Variants in TSC1 observed in about 807,000 individuals in gnomAD.
TSC1 encodes hamartin.
In TSC1, 20 loss-of-function variants were observed where a neutral mutation model predicts 124.3. The observed-to-expected ratio is 0.16, with a 90% CI of 0.11 to 0.23. The LOEUF is 0.23. TSC1 is among the 10% of genes least tolerant of loss of function. The pLI is 1.00. For synonymous variants in TSC1, 493 were observed against 539.1 expected, an observed-to-expected ratio of 0.91 and a Z score of 1.19; for missense variants, 1,124 against 1,448.5, an observed-to-expected ratio of 0.78 and a Z score of 3.64.
At chr9:132,926,923 C>T (rs895811699) in intron 4 of TSC1, 2 of 394,520 alleles carry the variant, frequency 5.1e-6, no homozygotes, top group Admixed American at 3.7e-5. Flanking sequence ...GCAATCCACC[C>T]GCCTCGGCCT....
chr9:132,907,481 TG>T, intron 12 of TSC1, 111 bp from the exon 13 acceptor site: 1 of 889,614 alleles, frequency 1.1e-6, no homozygotes, highest in Non-Finnish European at 1.8e-6. Context: ...CTCAAATTGT[TG>T]GGATGTTTTC....
chr9:132,919,184 G>A (rs911965108), intron 8 of TSC1, among the ~76,000 whole-genome samples: 9 of 152,190 alleles, frequency 5.9e-5, no homozygotes, highest in African/African-American at 1.9e-4. Flanking sequence ...ACCTAGGAAA[G>A]GTACGGTAAA....
intron 1 of TSC1, chr9:132,943,457 T>G (rs1847855154): frequency 6.6e-6 from 1 of 152,228 alleles, no homozygotes. Flanking sequence ...TGATAAATTT[T>G]AATCACTTAC....
At position 132,921,958 on chromosome 9, in the gene TSC1, A is replaced by G. The variant is rs1415895533; in HGVS notation, c.524T>C (p.Val175Ala). Residue 175 changes from valine (V) to alanine (A), a missense_variant, in exon 7 of 23, where the codon GTC becomes GCC. Val to Ala is a moderately conservative substitution (Grantham distance 64, BLOSUM62 0). Transcript: ENST00000298552. The surrounding 1 kb of genome is among the most constrained non-coding windows in gnomAD (Gnocchi z 4.3). Reference sequence around the variant, plus strand: ...ACTGGCATGGAGATGGACGAGATAGACTTCCGCCACGTGGCCTAGAAAAGG... The same window carrying G: ...ACTGGCATGGAGATGGACGAGATAGGCTTCCGCCACGTGGCCTAGAAAAGG... ...CLKKPGHVAE[V>A]YLVHLHASVY... 1.9e-6 allele frequency: 3 copies of G among 1,614,030 alleles called. No individual in the cohort carries two copies. The highest frequency in any genetic ancestry group is 4.5e-5 in the East Asian group (2 of 44,894).
intron 1 of TSC1, among the ~76,000 whole-genome samples, chr9:132,937,577 AGAAAT>A (rs1044298153): frequency 2.0e-5 from 3 of 152,242 alleles, no homozygotes; most frequent in Non-Finnish European, 4.4e-5. Context: ...TTACCTGAAA[AGAAAT>A]ATCTAAGGCA....
rs779193014 is a variant in TSC1 at position 132,896,211 on chromosome 9, TTAACACTGA to T, written c.*15_*23del. 6.2e-7 allele frequency: 1 copy of T among 1,614,174 alleles called. No individual in the cohort carries two copies. The highest frequency in any genetic ancestry group is 8.5e-7 in the Non-Finnish European group (1 of 1,180,032). On this transcript the variant is annotated 3_prime_UTR_variant, in exon 23 of 23. Coordinates refer to ENST00000298552, the MANE Select transcript of TSC1 (RefSeq NM_000368.5). The surrounding 1 kb of genome is among the most constrained non-coding windows in gnomAD (Gnocchi z 4.5). ...CTGTTCTGTGCCAACAATATGCAAG[TTAACACTGA>T]TTGACCATCATTCCTTAGCTGTGTT...
chr9:132,912,541 C>T (rs539899758), intron 8 of TSC1, 84 bp from the exon 9 acceptor site: 31 of 1,523,888 alleles, frequency 2.0e-5, no homozygotes, highest in African/African-American at 5.5e-5. Flanking sequence ...GTGCCAGCCA[C>T]GGAACTCTGA....
At chr9:132,897,087 T>G in intron 22 of TSC1, 97 bp downstream of exon 22, 4 of 1,577,194 alleles carry the variant, frequency 2.5e-6, no homozygotes, top group Non-Finnish European at 3.5e-6. Context: ...GCAGCCTGTC[T>G]AGTCAGCAGT....
chr9:132,932,841 CAAT>C (rs1847272363), intron 2 of TSC1, among the ~76,000 whole-genome samples: 1 of 152,182 alleles, frequency 6.6e-6, no homozygotes, highest in Non-Finnish European at 1.5e-5. Context: ...CCTGACCACC[CAAT>C]CTAAAGCAGC....
rs577983115 is a variant in TSC1 at position 132,921,889 on chromosome 9, T to C, written c.593A>G (p.Asn198Ser). The C allele has an allele frequency of 1.2e-5, 20 of 1,614,150 alleles. No homozygotes were observed. The East Asian group carries it at 4.0e-4, about 32-fold the overall frequency. Residue 198 changes from asparagine (N) to serine (S), a missense_variant, in exon 7 of 23, where the codon AAC becomes AGC. Asn to Ser is a conservative substitution (Grantham distance 46). This residue lies in a region of TSC1 where 463 missense variants were observed against 606.8 expected (regional missense o/e 0.76). Transcript: ENST00000298552. The surrounding 1 kb of genome is among the most constrained non-coding windows in gnomAD (Gnocchi z 4.3). The part of the protein sequence containing the change: ...FHRLYGMYPC[N>S]FVSFLRSHYS... ...ATGAGAACGCAAAAAGGAGACGAAGTTGCAAGGGTACATTCCATAAAGGCG... is the reference window on the plus strand; with the variant it reads ...ATGAGAACGCAAAAAGGAGACGAAGCTGCAAGGGTACATTCCATAAAGGCG...
At chr9:132,919,854 C>T (rs1167573254) in intron 8 of TSC1, among the ~76,000 whole-genome samples, 1 of 152,206 alleles carries the variant, frequency 6.6e-6, no homozygotes, top group Non-Finnish European at 1.5e-5. Context: ...GGGACAGAGC[C>T]AGGTGACCCT....
Position 132,902,623 on chromosome 9 carries a change from G to A in TSC1, c.2373C>T (p.Asn791=), listed in dbSNP as rs2131728899. ...QLQHDREEFY[N]QSQELQTKLE... ...TTTATACCTGTAATTCCTGGCTCTG[G>A]TTGTAGAATTCCTCTCGGTCATGCT... The change falls in exon 18 of 23, where the codon AAC becomes AAT. Residue 791 remains asparagine (N), a synonymous_variant. Coordinates refer to ENST00000298552, the MANE Select transcript of TSC1 (RefSeq NM_000368.5). This position sits in a 1 kb window ranked among gnomAD's most constrained non-coding sequence, Gnocchi z 5.2. The A allele has an allele frequency of 6.2e-7, 1 of 1,614,088 alleles. No individual in the cohort carries two copies. The highest frequency in any genetic ancestry group is 8.5e-7 in the Non-Finnish European group (1 of 1,180,038).
intron 1 of TSC1, among the ~76,000 whole-genome samples, chr9:132,937,780 T>TCATG (rs757698295): frequency 5.9e-5 from 9 of 152,194 alleles, no homozygotes; most frequent in Non-Finnish European, 1.3e-4. Context: ...TAATCATGAC[T>TCATG]CATGGTTCAC....
rs1002750837 is a variant in TSC1 at position 132,903,101 on chromosome 9, G to A, written c.2209-314C>T. Among the ~76,000 whole-genome samples the A allele has an allele frequency of 4.0e-4, 61 of 152,340 alleles. No individual in the cohort carries two copies. The highest frequency in any genetic ancestry group is 3.4e-3 in the Middle Eastern group (1 of 294). ...AACATGGTACTAAGTTCACTGAAAC[G>A]ATGAGCATTTACTGAATGCTTGCAG... is the stretch of plus-strand genomic sequence containing the variant. On this transcript the variant is annotated intron_variant, in intron 17 of 22. Coordinates refer to ENST00000298552, the MANE Select transcript of TSC1 (RefSeq NM_000368.5). The surrounding 1 kb of genome is among the most constrained non-coding windows in gnomAD (Gnocchi z 5.9).
chr9:132,894,141 C>A lies in TSC1; in HGVS notation c.*2094G>T, dbSNP rs534649062. 1 of 233,464 alleles carries A rather than the reference C, an allele frequency of 4.3e-6. No homozygotes were observed. The highest frequency in any genetic ancestry group is 8.5e-6 in the Non-Finnish European group (1 of 117,988). 14.5% of individuals were successfully genotyped at this position (233,464 alleles called of 1,614,324 possible). A position where few individuals can be genotyped will look rare whatever the true frequency, so the allele number is the denominator to read the frequency against. On this transcript the variant is annotated 3_prime_UTR_variant, in exon 23 of 23. Coordinates refer to ENST00000298552, the MANE Select transcript of TSC1 (RefSeq NM_000368.5). ...ATGAGCTGAGGACCCTGTGCAGACA[C>A]GTCCATGGAGCTTCTAGCACAGGCC...
intron 12 of TSC1, among the ~76,000 whole-genome samples, chr9:132,908,253 T>C (rs958385295): frequency 6.6e-6 from 1 of 152,228 alleles, no homozygotes; most frequent in Non-Finnish European, 1.5e-5. Context: ...ATTAAAAAAC[T>C]ATATTTCCCG....
In TSC1 at chr9:132,894,009, C is replaced by T; in HGVS notation, c.*2226G>A. The T allele has an allele frequency of 4.3e-6, 1 of 233,518 alleles. No homozygotes were observed. Among genetic ancestry groups the T allele is most frequent in the East Asian group, 6.0e-5 (1 of 16,568 alleles). 14.5% of individuals were successfully genotyped at this position (233,518 alleles called of 1,614,324 possible). A position where few individuals can be genotyped will look rare whatever the true frequency, so the allele number is the denominator to read the frequency against. ...TCAACATGACTCCAGGTCTCATTCT[C>T]CCAACCGTAGTTGAATAAAACCCAC... is the stretch of plus-strand genomic sequence containing the variant. On this transcript the variant is annotated 3_prime_UTR_variant, in exon 23 of 23. Coordinates refer to ENST00000298552, the MANE Select transcript of TSC1 (RefSeq NM_000368.5).
intron 2 of TSC1, among the ~76,000 whole-genome samples, chr9:132,932,468 C>T (rs1262680308): frequency 6.6e-6 from 1 of 152,184 alleles, no homozygotes; most frequent in Non-Finnish European, 1.5e-5. Context: ...TTCATGCTAC[C>T]CTACAAAATT....
intron 1 of TSC1, among the ~76,000 whole-genome samples, 168 bp from the exon 2 acceptor site, chr9:132,935,263 G>A (rs773138834): frequency 3.5e-4 from 53 of 152,160 alleles, no homozygotes; most frequent in Non-Finnish European, 8.8e-5. Context: ...GCCTCTCCCC[G>A]TCTACATTTC....
Sources: gnomAD v4.1 joint callset for allele counts (sites outside exome capture counted in the v4.1 genomes callset) on GRCh38, gnomAD v4.1.1 for gene constraint, gnomAD v4.1.1 regional missense constraint, Gnocchi (gnomAD v3.1) non-coding constraint, MANE v1.5 for transcripts, NCBI Gene and HGNC (gene_info 2026-07-23, HGNC 2026-07-21) for gene names.